AIF1: variants seen among roughly 807,000 people sequenced by gnomAD.
AIF1 encodes allograft inflammatory factor 1, also known as interferon gamma responsive transcript.
Under a neutral mutation model 20.6 loss-of-function variants are expected in AIF1, and 21 were observed. The ratio of observed to expected loss-of-function variants is 1.02; its 90% CI spans 0.72 to 1.47. AIF1 has a LOEUF of 1.47. Among genes scored for constraint, AIF1 ranks in the 40% most tolerant of loss-of-function variants. The pLI is 0.00. For synonymous variants in AIF1, 52 were observed against 65.8 expected, an observed-to-expected ratio of 0.79 and a Z score of 1.01; for missense variants, 161 against 170.5, an observed-to-expected ratio of 0.94 and a Z score of 0.31.
intron 1 of AIF1, 47 bp downstream of exon 1, chr6:31,615,401 T>C: frequency 2.5e-6 from 4 of 1,613,194 alleles, no homozygotes; most frequent in Non-Finnish European, 3.4e-6. Context: ...AGGAATGAGA[T>C]GGACAGACCT....
In AIF1 at chr6:31,616,154, C is replaced by T. The variant is rs2269475; in HGVS notation, c.196+9C>T. On this transcript the variant is annotated intron_variant, in intron 4 of 5. Transcript: ENST00000376059. This position sits in a 1 kb window ranked among gnomAD's most constrained non-coding sequence, Gnocchi z 4.0. ...TGGAAATGGCGATATTGGTGAGAAACGGGTGATTTGCGGGGGCAGGGTGGT... is the reference window on the plus strand; with the variant it reads ...TGGAAATGGCGATATTGGTGAGAAATGGGTGATTTGCGGGGGCAGGGTGGT... 0.13 allele frequency: 216,896 copies of T among 1,610,020 alleles called. 16,830 individuals are homozygous for T. The highest frequency in any genetic ancestry group is 0.21 in the Admixed American group (12,800 of 59,636).
chr6:31,615,743 G>A lies in AIF1; in HGVS notation c.154+7G>A, dbSNP rs1468847036. 6.2e-7 allele frequency: 1 copy of A among 1,605,662 alleles called. No individual in the cohort carries two copies. Among genetic ancestry groups the A allele is most frequent in the Non-Finnish European group, 8.5e-7 (1 of 1,175,838 alleles). ...AAACTGGAAGGCTTCAAAGGTGAGG[G>A]GGAAACTGTAGGCGGTGGAGACAGG... On this transcript the variant is annotated splice_region_variant and intron_variant, in intron 3 of 5. Coordinates refer to ENST00000376059, the MANE Select transcript of AIF1 (RefSeq NM_001623.5).
Position 31,616,945 on chromosome 6 carries a change from C to A in AIF1, c.*45C>A. ...ATGGGATTGAAGGGGCTTCTAATGACCCAGATATGGAAACAGAAGACAAAA... is the reference window on the plus strand; with the variant it reads ...ATGGGATTGAAGGGGCTTCTAATGAACCAGATATGGAAACAGAAGACAAAA... On this transcript the variant is annotated 3_prime_UTR_variant, in exon 6 of 6. Transcript: ENST00000376059. The surrounding 1 kb of genome is among the most constrained non-coding windows in gnomAD (Gnocchi z 4.0). The A allele has an allele frequency of 6.2e-7, 1 of 1,611,122 alleles. No individual in the cohort carries two copies.
At position 31,616,014 on chromosome 6, in the gene AIF1, C is replaced by G; in HGVS notation, c.155-90C>G. 6.6e-7 allele frequency: 1 copy of G among 1,524,098 alleles called. No individual in the cohort carries two copies. Among genetic ancestry groups the G allele is most frequent in the Middle Eastern group, 2.0e-4 (1 of 4,916 alleles). The allele number at this position is 1,524,098 out of a possible 1,614,324, so 94.4% of individuals were successfully genotyped here. A position where few individuals can be genotyped will look rare whatever the true frequency, so the allele number is the denominator to read the frequency against. ...TCCTCCTTCCACGTTGTCTCCTCCACCTAGCAGTTGGTTGGCAACCCCTTC... is the reference window on the plus strand; with the variant it reads ...TCCTCCTTCCACGTTGTCTCCTCCAGCTAGCAGTTGGTTGGCAACCCCTTC... On this transcript the variant is annotated intron_variant, in intron 3 of 5. Coordinates refer to ENST00000376059, the MANE Select transcript of AIF1 (RefSeq NM_001623.5). This position sits in a 1 kb window ranked among gnomAD's most constrained non-coding sequence, Gnocchi z 4.0.
rs746946835 is a variant in AIF1, at chr6:31,616,161, T to G, written c.196+16T>G. 6.2e-7 allele frequency: 1 copy of G among 1,611,016 alleles called. No homozygotes were observed. On this transcript the variant is annotated intron_variant, in intron 4 of 5. Coordinates refer to ENST00000376059, the MANE Select transcript of AIF1 (RefSeq NM_001623.5). This position sits in a 1 kb window ranked among gnomAD's most constrained non-coding sequence, Gnocchi z 4.0. ...GGCGATATTGGTGAGAAACGGGTGA[T>G]TTGCGGGGGCAGGGTGGTGTGCAGG...
Position 31,616,631 on chromosome 6 carries a change from C to G in AIF1, c.359+125C>G. ...TCCCTTCTTCCATCCTTAGAGGGAC[C>G]CTTCCAAGGTCCCGACCCCATCCCT... On this transcript the variant is annotated intron_variant, in intron 5 of 5. Transcript: ENST00000376059. This position sits in a 1 kb window ranked among gnomAD's most constrained non-coding sequence, Gnocchi z 4.0. The G allele has an allele frequency of 1.3e-6, 2 of 1,490,204 alleles. No individual in the cohort carries two copies. The highest frequency in any genetic ancestry group is 2.4e-5 in the East Asian group (1 of 42,360). 92.3% of individuals were successfully genotyped at this position (1,490,204 alleles called of 1,614,324 possible). A position where few individuals can be genotyped will look rare whatever the true frequency, so the allele number is the denominator to read the frequency against.
In AIF1 at chr6:31,616,341, C is replaced by T. The variant is rs1442538309; in HGVS notation, c.197-3C>T. On this transcript the variant is annotated splice_polypyrimidine_tract_variant and splice_region_variant and intron_variant, in intron 4 of 5. Coordinates refer to ENST00000376059, the MANE Select transcript of AIF1 (RefSeq NM_001623.5). This position sits in a 1 kb window ranked among gnomAD's most constrained non-coding sequence, Gnocchi z 4.0. ...TCTCCCCATCCCCATCCTCTGCCCC[C>T]AGATATCATGTCCCTGAAACGAATG... The T allele has an allele frequency of 6.2e-7, 1 of 1,613,028 alleles. No individual in the cohort carries two copies. Among genetic ancestry groups the T allele is most frequent in the South Asian group, 1.1e-5 (1 of 91,086 alleles).
chr6:31,615,534 C>A lies in AIF1; in HGVS notation c.39C>A (p.Phe13Leu). ...TTCACCCCACAGGAGGAAAAGCTTT[C>A]GGACTGCTGAAGGCCCAGCAGGAAG... is the stretch of plus-strand genomic sequence containing the variant. ...QTRDLQGGKA[F>L]GLLKAQQEER... The change falls in exon 2 of 6, where the codon TTC becomes TTA. Residue 13 changes from phenylalanine (F) to leucine (L), a missense_variant. Physicochemically the swap from Phe to Leu is conservative, Grantham distance 22. Transcript: ENST00000376059. 1.2e-6 allele frequency: 2 copies of A among 1,613,326 alleles called. No individual in the cohort carries two copies. Among genetic ancestry groups the A allele is most frequent in the Non-Finnish European group, 8.5e-7 (1 of 1,179,908 alleles).
Position 31,616,050 on chromosome 6 carries a change from T to A in AIF1, c.155-54T>A, listed in dbSNP as rs2259571. Reference sequence around the variant, plus strand: ...GTTGGCAACCCCTTCCTCAGTCCCCTGCTGAAAACCCTCCAGTCAGCGCTT... The same window carrying A: ...GTTGGCAACCCCTTCCTCAGTCCCCAGCTGAAAACCCTCCAGTCAGCGCTT... On this transcript the variant is annotated intron_variant, in intron 3 of 5. Transcript: ENST00000376059. The surrounding 1 kb of genome is among the most constrained non-coding windows in gnomAD (Gnocchi z 4.0). 3.9e-6 allele frequency: 6 copies of A among 1,527,002 alleles called. No homozygotes were observed. The highest frequency in any genetic ancestry group is 2.1e-5 in the Admixed American group (1 of 46,620). The allele number at this position is 1,527,002 out of a possible 1,614,324, so 94.6% of individuals were successfully genotyped here.
chr6:31,615,927 G>C, intron 3 of AIF1, 177 bp from the exon 4 acceptor site: 1 of 1,480,468 alleles, frequency 6.8e-7, no homozygotes, highest in Non-Finnish European at 8.9e-7. Context: ...ATCCCCTCTA[G>C]CTCCTTACAC....
In AIF1 at chr6:31,615,334, G is replaced by A. The variant is rs149533361; in HGVS notation, c.5G>A (p.Ser2Asn). ...TCTACCAGCATCTGCTGAGCTATGA[G>A]CCAAACCAGGGATTTACAGGGTAGG... M[S>N]QTRDLQGGKA... The change falls in exon 1 of 6, where the codon AGC becomes AAC. Residue 2 changes from serine (S) to asparagine (N), a missense_variant. Transcript: ENST00000376059. 135 of 942,662 alleles carry A rather than the reference G, an allele frequency of 1.4e-4. No homozygotes were observed. Among genetic ancestry groups the A allele is most frequent in the Non-Finnish European group, 1.9e-4 (116 of 618,534 alleles). The allele number at this position is 942,662 out of a possible 1,614,324, so 58.4% of individuals were successfully genotyped here. A position where few individuals can be genotyped will look rare whatever the true frequency, so the allele number is the denominator to read the frequency against.
In AIF1 at chr6:31,616,005, TCTC is replaced by T; in HGVS notation, c.155-94_155-92del. 1 of 1,521,520 alleles carries T rather than the reference TCTC, an allele frequency of 6.6e-7. No homozygotes were observed. Among genetic ancestry groups the T allele is most frequent in the Non-Finnish European group, 8.8e-7 (1 of 1,138,874 alleles). 94.3% of individuals were successfully genotyped at this position (1,521,520 alleles called of 1,614,324 possible). A position where few individuals can be genotyped will look rare whatever the true frequency, so the allele number is the denominator to read the frequency against. On this transcript the variant is annotated intron_variant, in intron 3 of 5. Coordinates refer to ENST00000376059, the MANE Select transcript of AIF1 (RefSeq NM_001623.5). This position sits in a 1 kb window ranked among gnomAD's most constrained non-coding sequence, Gnocchi z 4.0. ...TGCCCCTCCTCCTCCTTCCACGTTG[TCTC>T]CTCCACCTAGCAGTTGGTTGGCAAC...
chr6:31,615,435 C>A, intron 1 of AIF1, 81 bp downstream of exon 1: 1 of 1,613,128 alleles, frequency 6.2e-7, no homozygotes, highest in Non-Finnish European at 8.5e-7. Flanking sequence ...GGAGGGCAGT[C>A]AGCTGGCCTA....
In AIF1 at chr6:31,616,766, C is replaced by A; in HGVS notation, c.360-50C>A. 3 of 1,613,510 alleles carry A rather than the reference C, an allele frequency of 1.9e-6. No individual in the cohort carries two copies. Among genetic ancestry groups the A allele is most frequent in the Non-Finnish European group, 2.5e-6 (3 of 1,179,690 alleles). On this transcript the variant is annotated intron_variant, in intron 5 of 5. Coordinates refer to ENST00000376059, the MANE Select transcript of AIF1 (RefSeq NM_001623.5). The surrounding 1 kb of genome is among the most constrained non-coding windows in gnomAD (Gnocchi z 4.0). ...TTTCCTAGCACCCTATGATTTATTCCCTTGAGAGGAGTGTTCCCTGATCCC... is the reference window on the plus strand; with the variant it reads ...TTTCCTAGCACCCTATGATTTATTCACTTGAGAGGAGTGTTCCCTGATCCC...
chr6:31,616,307 T>C lies in AIF1; in HGVS notation c.197-37T>C. The C allele has an allele frequency of 1.2e-6, 2 of 1,612,774 alleles. No homozygotes were observed. Among genetic ancestry groups the C allele is most frequent in the Non-Finnish European group, 1.7e-6 (2 of 1,179,898 alleles). On this transcript the variant is annotated intron_variant, in intron 4 of 5. Coordinates refer to ENST00000376059, the MANE Select transcript of AIF1 (RefSeq NM_001623.5). The surrounding 1 kb of genome is among the most constrained non-coding windows in gnomAD (Gnocchi z 4.0). ...GAAGTGGGAGAGGAGAGAGAGGGTCTCCCCACCTTCTCCCCATCCCCATCC... is the reference window on the plus strand; with the variant it reads ...GAAGTGGGAGAGGAGAGAGAGGGTCCCCCCACCTTCTCCCCATCCCCATCC...
At position 31,616,415 on chromosome 6, in the gene AIF1, A is replaced by T. The variant is rs191730224; in HGVS notation, c.268A>T (p.Ile90Phe). The change falls in exon 5 of 6, where the codon ATT (isoleucine) becomes TTT (phenylalanine). Residue 90 changes from isoleucine to phenylalanine, a missense_variant. By Grantham distance (21) the Ile-to-Phe change is conservative (BLOSUM62 0). Coordinates refer to ENST00000376059, the MANE Select transcript of AIF1 (RefSeq NM_001623.5). The surrounding 1 kb of genome is among the most constrained non-coding windows in gnomAD (Gnocchi z 4.0). Reference protein sequence around the residue: ...PKTHLELKKLIGEVSSGSGET... With the variant: ...PKTHLELKKLFGEVSSGSGET... ...GACTCACCTAGAGCTAAAGAAATTAATTGGAGAGGTGTCCAGTGGCTCCGG... is the reference window on the plus strand; with the variant it reads ...GACTCACCTAGAGCTAAAGAAATTATTTGGAGAGGTGTCCAGTGGCTCCGG... 1.9e-6 allele frequency: 3 copies of T among 1,613,076 alleles called. No homozygotes were observed. The highest frequency in any genetic ancestry group is 2.5e-6 in the Non-Finnish European group (3 of 1,180,032).
chr6:31,615,642 AC>A (rs1774266625), intron 2 of AIF1, 27 bp from the exon 3 acceptor site: 1 of 1,612,900 alleles, frequency 6.2e-7, no homozygotes, highest in African/African-American at 1.3e-5. Context: ...GGGAGGGCCT[AC>A]CCTGGCTCTT....
Position 31,616,594 on chromosome 6 carries a change from C to A in AIF1, c.359+88C>A. On this transcript the variant is annotated intron_variant, in intron 5 of 5. Transcript: ENST00000376059. The surrounding 1 kb of genome is among the most constrained non-coding windows in gnomAD (Gnocchi z 4.0). ...TGTCCACAGGCTCAACATTTCTACA[C>A]GTTGCCCATCATCCCTTCTTCCATC... 4 of 1,523,200 alleles carry A rather than the reference C, an allele frequency of 2.6e-6. No individual in the cohort carries two copies. The highest frequency in any genetic ancestry group is 1.8e-6 in the Non-Finnish European group (2 of 1,136,754). The allele number at this position is 1,523,200 out of a possible 1,614,324, so 94.4% of individuals were successfully genotyped here. A position where few individuals can be genotyped will look rare whatever the true frequency, so the allele number is the denominator to read the frequency against.
In AIF1 at chr6:31,615,686, C is replaced by T. The variant is rs754458303; in HGVS notation, c.104C>T (p.Pro35Leu). 36 of 1,612,670 alleles carry T rather than the reference C, an allele frequency of 2.2e-5. No homozygotes were observed. The highest frequency in any genetic ancestry group is 3.3e-5 in the Admixed American group (2 of 59,874). Residue 35 changes from proline (P) to leucine (L), a missense_variant, in exon 3 of 6, where the codon CCC becomes CTC. Pro to Leu is a moderately conservative substitution (Grantham distance 98, BLOSUM62 -3). Coordinates refer to ENST00000376059, the MANE Select transcript of AIF1 (RefSeq NM_001623.5). ...CCTCCATAGCAATTCCTAGACGATC[C>T]CAAATATAGCAGTGATGAGGATCTG... The part of the protein sequence containing the change: ...DEINKQFLDD[P>L]KYSSDEDLPS...
Sources: gnomAD v4.1 joint callset for allele counts on GRCh38, gnomAD v4.1.1 for gene constraint, Gnocchi (gnomAD v3.1) non-coding constraint, MANE v1.5 for transcripts, NCBI Gene and HGNC (gene_info 2026-07-23, HGNC 2026-07-21) for gene names.